DNAH8: variants seen among roughly 807,000 people sequenced by gnomAD.
The protein encoded by DNAH8 is axonemal beta dynein heavy chain 8.
A neutral mutation model predicts 562.1 loss-of-function variants in DNAH8; 382 were observed. The ratio of observed to expected loss-of-function variants is 0.68; its 90% CI spans 0.63 to 0.74. The LOEUF is 0.74. Ranked by LOEUF, DNAH8 falls within the 30% of genes least tolerant of loss-of-function variation. The pLI, the probability that DNAH8 is intolerant of heterozygous loss-of-function variation, is 0.00. For synonymous variants in DNAH8, 1,881 were observed against 1,919.4 expected (o/e 0.98, Z 0.52); for missense variants, 5,203 against 5,620.4 (o/e 0.93, Z 2.37).
chr6:38,985,428 G>A (rs781314064), intron 87 of DNAH8, among the ~76,000 whole-genome samples: 24 of 152,148 alleles, frequency 1.6e-4, no homozygotes, highest in Non-Finnish European at 2.9e-4. Context: ...CAAAGCACAA[G>A]CTTTGGGAGT....
chr6:38,743,033 T>TAAA, intron 8 of DNAH8, among the ~76,000 whole-genome samples: 1 of 139,174 alleles, frequency 7.2e-6, no homozygotes, highest in South Asian at 2.5e-4. Flanking sequence ...TTTTTTTTTT[T>TAAA]TAAAGACAGA....
chr6:38,816,483 A>C (rs146784187), intron 26 of DNAH8, among the ~76,000 whole-genome samples: 7 of 152,224 alleles, frequency 4.6e-5, no homozygotes, highest in African/African-American at 1.7e-4. Context: ...TATGCAGTTT[A>C]CCATTGATGG....
At chr6:38,940,409 G>C (rs1783345241) in intron 79 of DNAH8, among the ~76,000 whole-genome samples, 1 of 152,200 alleles carries the variant, frequency 6.6e-6, no homozygotes, top group Non-Finnish European at 1.5e-5. Flanking sequence ...GTGGGGGATT[G>C]CTGGATGTGA....
chr6:38,824,938 C>T (rs1773181852), intron 28 of DNAH8, among the ~76,000 whole-genome samples: 1 of 152,140 alleles, frequency 6.6e-6, no homozygotes, highest in South Asian at 2.1e-4. Context: ...ATTACAAGAA[C>T]TTCTGTAGCG....
chr6:38,971,609 A>C lies in DNAH8; in HGVS notation c.12469A>C (p.Met4157Leu), dbSNP rs1392416546. The C allele has an allele frequency of 3.1e-6, 5 of 1,593,528 alleles. No homozygotes were observed. Among genetic ancestry groups the C allele is most frequent in the Non-Finnish European group, 4.3e-6 (5 of 1,170,850 alleles). ...TGTTACAGAATGTAGAACTATCTCA[A>C]TGGGGCAAGGACAAGAAGTACATGC... ...KLKLECRTIS[M>L]GQGQEVHARK... The change falls in exon 83 of 93, where the codon ATG (methionine) becomes CTG (leucine). Residue 4157 changes from methionine to leucine, a missense_variant. Transcript: ENST00000327475.
intron 82 of DNAH8, among the ~76,000 whole-genome samples, chr6:38,961,283 G>C (rs1414071325): frequency 6.6e-6 from 1 of 151,916 alleles, no homozygotes; most frequent in African/African-American, 2.4e-5. Flanking sequence ...AAAATATCTA[G>C]AAGAGAGAAT....
At chr6:38,907,381 A>G (rs1333634933) in intron 63 of DNAH8, among the ~76,000 whole-genome samples, 1 of 152,182 alleles carries the variant, frequency 6.6e-6, no homozygotes, top group Non-Finnish European at 1.5e-5. Context: ...AAAGTTCCAG[A>G]TTCCTAGAAG....
chr6:38,867,962 C>G, intron 47 of DNAH8, 100 bp from the exon 48 acceptor site: 1 of 1,215,776 alleles, frequency 8.2e-7, no homozygotes, highest in Non-Finnish European at 1.1e-6. Flanking sequence ...AAAACTATCC[C>G]ATATAAGTAT....
intron 63 of DNAH8, 111 bp downstream of exon 63, chr6:38,906,518 T>C: frequency 1.1e-6 from 1 of 869,922 alleles, no homozygotes; most frequent in Non-Finnish European, 1.6e-6. Flanking sequence ...TTTTTTATTT[T>C]AGACATGGTT....
intron 88 of DNAH8, among the ~76,000 whole-genome samples, chr6:39,000,357 A>T (rs1396212038): frequency 6.6e-6 from 1 of 152,186 alleles, no homozygotes; most frequent in African/African-American, 2.4e-5. Context: ...GCTCCATTTA[A>T]GTTGTGCCTT....
intron 85 of DNAH8, among the ~76,000 whole-genome samples, chr6:38,977,703 TA>T (rs1763765072): frequency 6.6e-6 from 1 of 152,202 alleles, no homozygotes; most frequent in African/African-American, 2.4e-5. Context: ...ACTCAATCAT[TA>T]CATTTTTAGC....
At chr6:38,906,170 G>A (rs1780461619) in intron 62 of DNAH8, 84 bp from the exon 63 acceptor site, 2 of 804,598 alleles carry the variant, frequency 2.5e-6, no homozygotes, top group African/African-American at 3.5e-5. Flanking sequence ...GCCTCCCAAA[G>A]TGCTGGGATT....
chr6:39,002,849 AC>A (rs1765575031), intron 88 of DNAH8, among the ~76,000 whole-genome samples: 1 of 152,164 alleles, frequency 6.6e-6, no homozygotes, highest in South Asian at 2.1e-4. Flanking sequence ...TGATACTAGG[AC>A]CCTCGTATCA....
At position 38,886,847 on chromosome 6, in the gene DNAH8, C is replaced by T; in HGVS notation, c.8316C>T (p.Asp2772=). Residue 2772 remains aspartate, a synonymous_variant, in exon 57 of 93, where the codon GAC becomes GAT. Transcript: ENST00000327475. Reference sequence around the variant, plus strand: ...AAATGGAAGGAATGTACAGCTTGGACAAGCCTGGAGACTTCACTACTATTG... The same window carrying T: ...AAATGGAAGGAATGTACAGCTTGGATAAGCCTGGAGACTTCACTACTATTG... ...MMEMEGMYSL[D]KPGDFTTIVD... is the part of the protein sequence containing the mutation. The T allele has an allele frequency of 6.2e-7, 1 of 1,614,090 alleles. No homozygotes were observed. The highest frequency in any genetic ancestry group is 8.5e-7 in the Non-Finnish European group (1 of 1,179,978).
At position 38,851,653 on chromosome 6, in the gene DNAH8, C is replaced by T. The variant is rs1406235164; in HGVS notation, c.5445C>T (p.Ala1815=). Residue 1815 remains alanine (A), a synonymous_variant, in exon 39 of 93, where the codon GCC becomes GCT. Transcript: ENST00000327475. ...DPVLLEILGQ[A]SDSHTIQPHL... is the part of the protein sequence containing the mutation. Reference sequence around the variant, plus strand: ...TTCTCCTGGAAATTCTTGGACAAGCCAGTGATTCCCACACCATACAGGTAT... The same window carrying T: ...TTCTCCTGGAAATTCTTGGACAAGCTAGTGATTCCCACACCATACAGGTAT... 3 of 1,608,532 alleles carry T rather than the reference C, an allele frequency of 1.9e-6. No homozygotes were observed. Among genetic ancestry groups the T allele is most frequent in the Non-Finnish European group, 2.6e-6 (3 of 1,175,932 alleles).
chr6:38,851,099 G>A (rs1022011496), intron 38 of DNAH8, among the ~76,000 whole-genome samples: 5 of 152,276 alleles, frequency 3.3e-5, no homozygotes, highest in Admixed American at 3.3e-4. Context: ...GTCACAAGAG[G>A]ATGGTGTCAG....
chr6:38,951,234 A>G, intron 81 of DNAH8, 84 bp from the exon 82 acceptor site: 1 of 1,212,214 alleles, frequency 8.2e-7, no homozygotes, highest in Non-Finnish European at 1.2e-6. Context: ...CCTTTTGCTA[A>G]TTAAATGTAT....
At chr6:39,012,661 C>T in intron 91 of DNAH8, 24 bp downstream of exon 91, 1 of 1,584,090 alleles carries the variant, frequency 6.3e-7, no homozygotes, top group Non-Finnish European at 8.7e-7. Flanking sequence ...GGAGATTTGG[C>T]AAGCTTGGAA....
chr6:38,730,105 T>G (rs1763548138), intron 4 of DNAH8, 119 bp downstream of exon 4: 7 of 583,302 alleles, frequency 1.2e-5, no homozygotes. Context: ...ACCAGAAGTT[T>G]ATGTATAAGA....
Sources: allele counts gnomAD v4.1 joint callset (sites outside exome capture counted in the v4.1 genomes callset), GRCh38; gene constraint gnomAD v4.1.1; transcripts MANE v1.5; gene names NCBI Gene and HGNC (gene_info 2026-07-23, HGNC 2026-07-21).